The following ZNF521 variants were observed in gnomAD, a reference collection of about 807,000 sequenced individuals.
ZNF521 encodes LYST-interacting protein 3.
ZNF521 carries 14 observed loss-of-function variants against 105.5 expected under a neutral mutation model. The ratio of observed to expected loss-of-function variants is 0.13; its 90% CI spans 0.09 to 0.21. The LOEUF (loss-of-function observed/expected upper bound fraction) is 0.21. ZNF521 is among the 10% of genes least tolerant of loss of function. The probability of loss-of-function intolerance (pLI) is 1.00; values close to 1 mark genes in which losing one functional copy is unlikely to be tolerated. For missense variants in ZNF521, 1,233 were observed against 1,629.7 expected (o/e 0.76, Z 4.19); for synonymous variants, 635 against 606.0 (o/e 1.05, Z -0.70).
chr18:25,069,937 T>A (rs1007790493), intron 7 of ZNF521, among the ~76,000 whole-genome samples: 3 of 152,236 alleles, frequency 2.0e-5, no homozygotes, highest in Non-Finnish European at 2.9e-5. Flanking sequence ...TTTCCCTTTT[T>A]ATTTTTTCAT....
intron 5 of ZNF521, among the ~76,000 whole-genome samples, chr18:25,168,270 C>T (rs141915119): frequency 3.3e-4 from 50 of 152,270 alleles, no homozygotes; most frequent in Non-Finnish European, 6.2e-4. Flanking sequence ...CCTGAAAGCC[C>T]CAGCTGGTAC....
At chr18:25,111,599 G>A (rs2034191380) in intron 5 of ZNF521, among the ~76,000 whole-genome samples, 1 of 152,164 alleles carries the variant, frequency 6.6e-6, no homozygotes, top group African/African-American at 2.4e-5. Flanking sequence ...TGACACCCCT[G>A]GTCAGTCAGT....
At chr18:25,213,023 C>CT (rs1041954764) in intron 4 of ZNF521, among the ~76,000 whole-genome samples, 1 of 151,312 alleles carries the variant, frequency 6.6e-6, no homozygotes, top group African/African-American at 2.4e-5. Context: ...TTTTGTGCTA[C>CT]TTTTTTCTAA....
intron 2 of ZNF521, among the ~76,000 whole-genome samples, chr18:25,335,061 A>G (rs762625153): frequency 6.6e-6 from 1 of 152,162 alleles, no homozygotes; most frequent in Non-Finnish European, 1.5e-5. Flanking sequence ...ACTCATTGTG[A>G]CATGCCGATT....
In ZNF521 at chr18:25,200,255, G is replaced by T. The variant is rs138687848; in HGVS notation, c.3574-5011C>A. On this transcript the variant is annotated intron_variant, in intron 4 of 7. Transcript: ENST00000361524. ...AGGAATGGTAGGAAAAGTAACTTAC[G>T]AGAGCGAAGGAACTGTCGGTAGCCA... is the stretch of plus-strand genomic sequence containing the variant. Among the ~76,000 whole-genome samples, 82 of 152,218 alleles carry T rather than the reference G, an allele frequency of 5.4e-4. 1 individual carries two copies. The East Asian group carries it at 0.015, about 29-fold the overall frequency.
chr18:25,284,895 T>C (rs1910599771), intron 3 of ZNF521, among the ~76,000 whole-genome samples: 1 of 147,200 alleles, frequency 6.8e-6, no homozygotes, highest in Non-Finnish European at 1.5e-5. Context: ...CAAACACTCA[T>C]GTGCGTGCGC....
At chr18:25,349,102 G>T (rs1189227687) in intron 2 of ZNF521, among the ~76,000 whole-genome samples, 1 of 151,946 alleles carries the variant, frequency 6.6e-6, no homozygotes, top group Non-Finnish European at 1.5e-5. Context: ...TCCTTCACGG[G>T]GTTTCAGAAG....
chr18:25,079,506 T>G (rs2033441233), intron 7 of ZNF521, among the ~76,000 whole-genome samples: 1 of 152,142 alleles, frequency 6.6e-6, no homozygotes, highest in Non-Finnish European at 1.5e-5. Flanking sequence ...CCCCAGCTCT[T>G]CCCCTAGTTA....
intron 3 of ZNF521, among the ~76,000 whole-genome samples, chr18:25,236,307 G>A (rs1482358262): frequency 6.6e-6 from 1 of 152,136 alleles, no homozygotes; most frequent in African/African-American, 2.4e-5. Flanking sequence ...AGGCTGAGGC[G>A]GGCAGACTGC....
At chr18:25,258,116 G>T (rs938719873) in intron 3 of ZNF521, among the ~76,000 whole-genome samples, 21 of 152,122 alleles carry the variant, frequency 1.4e-4, no homozygotes, top group African/African-American at 5.1e-4. Context: ...TGATAACGAG[G>T]CACTCTCATA....
At chr18:25,339,001 G>A (rs1226722656) in intron 2 of ZNF521, among the ~76,000 whole-genome samples, 5 of 152,132 alleles carry the variant, frequency 3.3e-5, no homozygotes, top group Non-Finnish European at 7.4e-5. Flanking sequence ...CTTAGGTAAT[G>A]GAAAACTCAA....
At chr18:25,310,053 T>C (rs1467698370) in intron 3 of ZNF521, among the ~76,000 whole-genome samples, 2 of 152,144 alleles carry the variant, frequency 1.3e-5, no homozygotes, top group African/African-American at 4.8e-5. Context: ...TTATAACCAG[T>C]TACTAGTTCA....
At chr18:25,233,984 C>G (rs1358423306) in intron 3 of ZNF521, among the ~76,000 whole-genome samples, 3 of 152,154 alleles carry the variant, frequency 2.0e-5, no homozygotes, top group Non-Finnish European at 4.4e-5. Context: ...ACACTTAACT[C>G]CACCTCTCAA....
At chr18:25,319,970 CA>C (rs1490402283) in intron 3 of ZNF521, among the ~76,000 whole-genome samples, 1 of 152,036 alleles carries the variant, frequency 6.6e-6, no homozygotes, top group Non-Finnish European at 1.5e-5. Context: ...AGCTTCTCTT[CA>C]AAAATGTCAT....
intron 7 of ZNF521, 122 bp from the exon 8 acceptor site, chr18:25,062,863 G>T: frequency 2.1e-6 from 2 of 952,458 alleles, no homozygotes; most frequent in South Asian, 3.3e-5. Context: ...AATTCATAAT[G>T]ACTTGAACAG....
At chr18:25,155,753 G>T (rs577621564) in intron 5 of ZNF521, among the ~76,000 whole-genome samples, 1 of 152,024 alleles carries the variant, frequency 6.6e-6, no homozygotes, top group African/African-American at 2.4e-5. Context: ...ATGAACAAAT[G>T]GATAAACTGT....
intron 3 of ZNF521, among the ~76,000 whole-genome samples, chr18:25,297,201 A>G (rs369896258): frequency 6.6e-6 from 1 of 152,024 alleles, no homozygotes; most frequent in South Asian, 2.1e-4. Flanking sequence ...TCTCTAAGGT[A>G]GGTACTCTTT....
chr18:25,277,316 C>T (rs1352451029), intron 3 of ZNF521, among the ~76,000 whole-genome samples: 3 of 152,090 alleles, frequency 2.0e-5, no homozygotes, highest in Admixed American at 6.5e-5. Flanking sequence ...TTCACCACTG[C>T]AAAATCTGGC....
intron 3 of ZNF521, among the ~76,000 whole-genome samples, chr18:25,242,562 G>C (rs893499195): frequency 1.3e-5 from 2 of 151,940 alleles, no homozygotes; most frequent in African/African-American, 4.8e-5. Context: ...AGTTTAATTT[G>C]TAATTCCTTT....
Sources: gnomAD v4.1 joint callset for allele counts (sites outside exome capture counted in the v4.1 genomes callset) on GRCh38, gnomAD v4.1.1 for gene constraint, MANE v1.5 for transcripts, NCBI Gene and HGNC (gene_info 2026-07-23, HGNC 2026-07-21) for gene names.